DYNC2H1: variants seen among roughly 807,000 people sequenced by gnomAD.
DYNC2H1 encodes dynein cytoplasmic 2 heavy chain 1.
In DYNC2H1, 410 loss-of-function variants were observed where a neutral mutation model predicts 570.0. The observed-to-expected ratio is 0.72, with a 90% CI of 0.66 to 0.78. DYNC2H1 has a LOEUF of 0.78. Ranked by LOEUF, DYNC2H1 falls within the 30% of genes least tolerant of loss-of-function variation. The pLI is 0.00. For missense variants in DYNC2H1, 4,865 were observed against 5,046.4 expected (o/e 0.96, Z 1.09); for synonymous variants, 1,688 against 1,677.6 (o/e 1.01, Z -0.15).
intron 47 of DYNC2H1, 38 bp from the exon 48 acceptor site, chr11:103,197,895 T>A (rs747518590): frequency 2.1e-5 from 32 of 1,548,902 alleles, no homozygotes; most frequent in Non-Finnish European, 2.4e-5. Context: ...TCATTACGAG[T>A]AATGCATATA....
Position 103,204,737 on chromosome 11 carries a change from A to G in DYNC2H1, c.8312-85A>G, listed in dbSNP as rs2135098866. On this transcript the variant is annotated intron_variant, in intron 51 of 88. Transcript: ENST00000375735. The surrounding 1 kb of genome is among the most constrained non-coding windows in gnomAD (Gnocchi z 4.1). ...CTCGTTTTAAGAAACAACTCCTACT[A>G]TTTCATTTGAGAAAATTTTGATCTC... 1.0e-6 allele frequency: 1 copy of G among 1,003,182 alleles called. No individual in the cohort carries two copies. The highest frequency in any genetic ancestry group is 1.9e-5 in the South Asian group (1 of 53,678). 62.1% of individuals were successfully genotyped at this position (1,003,182 alleles called of 1,614,324 possible). A position where few individuals can be genotyped will look rare whatever the true frequency, so the allele number is the denominator to read the frequency against.
At chr11:103,421,341 G>T (rs1405294419) in intron 84 of DYNC2H1, among the ~76,000 whole-genome samples, 2 of 151,930 alleles carry the variant, frequency 1.3e-5, no homozygotes, top group Non-Finnish European at 2.9e-5. Flanking sequence ...CTCAGCTAAG[G>T]ATCAGGTGGA....
Position 103,137,119 on chromosome 11 carries a change from G to T in DYNC2H1, c.2574+1171G>T, listed in dbSNP as rs936544625. 3.4e-5 allele frequency among the ~76,000 whole-genome samples: 5 copies of T among 146,700 alleles called. No individual in the cohort carries two copies. In the South Asian group the frequency reaches 9.1e-4, roughly 27 times the overall value. ...TTGTTTGAGTTCATTGTAGATTCTG[G>T]ATATTAGCCCTTTGTCAGATGAGTA... On this transcript the variant is annotated intron_variant, in intron 17 of 88. Coordinates refer to ENST00000375735, the MANE Select transcript of DYNC2H1 (RefSeq NM_001377.3).
chr11:103,461,836 A>C lies in DYNC2H1; in HGVS notation c.12648+5480A>C, dbSNP rs1945024768. 6.6e-6 allele frequency among the ~76,000 whole-genome samples: 1 copy of C among 152,142 alleles called. No homozygotes were observed. The highest frequency in any genetic ancestry group is 1.5e-5 in the Non-Finnish European group (1 of 68,022). ...CATATTTCAAGGTTTTAAGATTTAG[A>C]AACATTCCACCTTTTTCTCTTTTTT... On this transcript the variant is annotated intron_variant, in intron 87 of 88. Transcript: ENST00000375735. The surrounding 1 kb of genome is among the most constrained non-coding windows in gnomAD (Gnocchi z 4.8).
chr11:103,456,058 T>A (rs1944774691), intron 86 of DYNC2H1, among the ~76,000 whole-genome samples: 1 of 152,120 alleles, frequency 6.6e-6, no homozygotes, highest in Non-Finnish European at 1.5e-5. Context: ...AAGAAAGGCC[T>A]TATCCTTAAG....
intron 87 of DYNC2H1, among the ~76,000 whole-genome samples, chr11:103,459,303 C>T (rs1268109913): frequency 2.8e-4 from 22 of 77,322 alleles, no homozygotes; most frequent in Admixed American, 4.0e-4. Context: ...AGCGAGACTC[C>T]GTCTCAAAAA....
At chr11:103,350,729 C>T (rs1041961815) in intron 82 of DYNC2H1, among the ~76,000 whole-genome samples, 8 of 152,104 alleles carry the variant, frequency 5.3e-5, no homozygotes, top group Admixed American at 4.6e-4. Flanking sequence ...TGCCTTCTTT[C>T]TGGGTCCTCA....
In DYNC2H1 at chr11:103,116,567, T is replaced by A. The variant is rs1260606662; in HGVS notation, c.622-3T>A. Reference sequence around the variant, plus strand: ...GTTTAAAAATTAATGCATTTTTTTCTAGGAGTTTTATAACTTGGACAGTCT... The same window carrying A: ...GTTTAAAAATTAATGCATTTTTTTCAAGGAGTTTTATAACTTGGACAGTCT... On this transcript the variant is annotated splice_region_variant and splice_polypyrimidine_tract_variant and intron_variant, in intron 4 of 88. Coordinates refer to ENST00000375735, the MANE Select transcript of DYNC2H1 (RefSeq NM_001377.3). The A allele has an allele frequency of 1.3e-6, 2 of 1,569,786 alleles. No individual in the cohort carries two copies. The highest frequency in any genetic ancestry group is 1.7e-6 in the Non-Finnish European group (2 of 1,159,186).
At chr11:103,147,273 A>AT (rs1010027447) in intron 18 of DYNC2H1, among the ~76,000 whole-genome samples, 6 of 151,478 alleles carry the variant, frequency 4.0e-5, no homozygotes, top group African/African-American at 1.2e-4. Context: ...CATTCATTAC[A>AT]TTTTTTTTCA....
chr11:103,388,144 G>A (rs1941973333), intron 83 of DYNC2H1, among the ~76,000 whole-genome samples: 1 of 152,146 alleles, frequency 6.6e-6, no homozygotes, highest in Non-Finnish European at 1.5e-5. Flanking sequence ...AGCATGGAAT[G>A]TTCTTCGATT....
Position 103,163,098 on chromosome 11 carries a change from C to G in DYNC2H1, c.4562C>G (p.Thr1521Ser), listed in dbSNP as rs1339440862. Residue 1521 changes from threonine to serine, a missense_variant, in exon 30 of 89, where the codon ACT becomes AGT. This residue lies in a region of DYNC2H1 where 1,936 missense variants were observed against 1,962.1 expected (regional missense o/e 0.99). Transcript: ENST00000375735. This position sits in a 1 kb window ranked among gnomAD's most constrained non-coding sequence, Gnocchi z 4.6. ...CAGTTGTTGAAGGAATGTGTTACTA[C>G]TGGGCGAAGTTCTCAAGGTGCAGTT... ...LEQLLKECVT[T>S]GRSSQGAVDP... The G allele has an allele frequency of 1.2e-6, 2 of 1,613,034 alleles. No individual in the cohort carries two copies. The highest frequency in any genetic ancestry group is 2.7e-5 in the African/African-American group (2 of 74,848).
rs116672660 is a variant in DYNC2H1, at chr11:103,151,244, G to A, written c.2947-892G>A. 0.028 allele frequency among the ~76,000 whole-genome samples: 4,312 copies of A among 152,122 alleles called. 83 individuals carry two copies. The highest frequency in any genetic ancestry group is 0.051 in the African/African-American group (2,115 of 41,508). On this transcript the variant is annotated intron_variant, in intron 20 of 88. Transcript: ENST00000375735. This position sits in a 1 kb window ranked among gnomAD's most constrained non-coding sequence, Gnocchi z 4.6. The stretch of plus-strand genomic sequence containing the variant: ...CTCCTCAGTAGCTAGGAGTACAGGT[G>A]TGCACCACCATGCCCAGTTAATTTT...
At chr11:103,255,671 A>C in intron 67 of DYNC2H1, 137 bp downstream of exon 67, 2 of 863,990 alleles carry the variant, frequency 2.3e-6, no homozygotes, top group South Asian at 5.1e-5. Context: ...TTACAGTCAA[A>C]ATTCTAACAA....
rs908170507 is a variant in DYNC2H1 at position 103,156,259 on chromosome 11, TA to T, written c.3745-127del. On this transcript the variant is annotated intron_variant, in intron 25 of 88. Coordinates refer to ENST00000375735, the MANE Select transcript of DYNC2H1 (RefSeq NM_001377.3). The stretch of plus-strand genomic sequence containing the variant: ...GAGTTGCATGTAAAATAGAGCCACT[TA>T]ACTTTTTTTTTTTTGCCTTATGGTG... The T allele has an allele frequency of 9.6e-6, 9 of 933,516 alleles. No individual in the cohort carries two copies. In the African/African-American group the frequency reaches 1.2e-4, roughly 13 times the overall value. The allele number at this position is 933,516 out of a possible 1,614,324, so 57.8% of individuals were successfully genotyped here.
At position 103,204,275 on chromosome 11, in the gene DYNC2H1, C is replaced by G. The variant is rs1012092036; in HGVS notation, c.8311+499C>G. Among the ~76,000 whole-genome samples the G allele has an allele frequency of 6.6e-6, 1 of 152,062 alleles. No homozygotes were observed. Among genetic ancestry groups the G allele is most frequent in the Non-Finnish European group, 1.5e-5 (1 of 68,010 alleles). ...CAACACGTGGGGATTATGGGAGCTACAAAATGAGATTTGGGTAGGGACACA... is the reference window on the plus strand; with the variant it reads ...CAACACGTGGGGATTATGGGAGCTAGAAAATGAGATTTGGGTAGGGACACA... On this transcript the variant is annotated intron_variant, in intron 51 of 88. Transcript: ENST00000375735. The surrounding 1 kb of genome is among the most constrained non-coding windows in gnomAD (Gnocchi z 4.1).
chr11:103,397,568 C>T (rs1942449448), intron 83 of DYNC2H1, among the ~76,000 whole-genome samples: 1 of 152,138 alleles, frequency 6.6e-6, no homozygotes, highest in African/African-American at 2.4e-5. Context: ...TTAGTTTCAG[C>T]TTGGATATTG....
chr11:103,405,091 T>C (rs1942805280), intron 84 of DYNC2H1: 1 of 151,680 alleles, frequency 6.6e-6, no homozygotes, highest in South Asian at 2.1e-4. Flanking sequence ...ATATGGGAGA[T>C]TATTCCGAAG....
intron 13 of DYNC2H1, among the ~76,000 whole-genome samples, chr11:103,130,236 A>G (rs1167412235): frequency 6.6e-6 from 1 of 152,172 alleles, no homozygotes; most frequent in Admixed American, 6.5e-5. Context: ...TCCCAGAAGG[A>G]AAGCAAATAT....
At chr11:103,449,508 T>C (rs1379227971) in intron 85 of DYNC2H1, among the ~76,000 whole-genome samples, 4 of 152,208 alleles carry the variant, frequency 2.6e-5, no homozygotes, top group African/African-American at 7.2e-5. Flanking sequence ...AGTTTTCAAA[T>C]TGATCCATTG....
Sources: gnomAD v4.1 joint callset for allele counts (sites outside exome capture counted in the v4.1 genomes callset) on GRCh38, gnomAD v4.1.1 for gene constraint, gnomAD v4.1.1 regional missense constraint, Gnocchi (gnomAD v3.1) non-coding constraint, MANE v1.5 for transcripts, NCBI Gene and HGNC (gene_info 2026-07-23, HGNC 2026-07-21) for gene names.